The following PRSS12 variants were observed in gnomAD, a reference collection of about 807,000 sequenced individuals.
The protein encoded by PRSS12 is serine protease 12, also known as neurotrypsin.
In PRSS12, 85 loss-of-function variants were observed where a neutral mutation model predicts 104.4. The ratio of observed to expected loss-of-function variants is 0.81; its 90% CI spans 0.68 to 0.98. The LOEUF (loss-of-function observed/expected upper bound fraction) is 0.98, where lower values mean the gene tolerates loss of function less well. PRSS12 is among the 50% of genes least tolerant of loss of function. The probability of loss-of-function intolerance (pLI) is 0.00; values close to 1 mark genes in which losing one functional copy is unlikely to be tolerated. For synonymous variants in PRSS12, 454 were observed against 425.2 expected (o/e 1.07, Z -0.83); for missense variants, 1,141 against 1,139.2 (o/e 1.00, Z -0.02).
At chr4:118,309,323 G>A (rs1743644514) in intron 7 of PRSS12, among the ~76,000 whole-genome samples, 2 of 152,170 alleles carry the variant, frequency 1.3e-5, no homozygotes, top group Admixed American at 6.5e-5. Flanking sequence ...ACTGTGACTT[G>A]CATGGGTTGA....
At chr4:118,305,101 TTATA>T (rs35049135) in intron 8 of PRSS12, among the ~76,000 whole-genome samples, 15 of 146,830 alleles carry the variant, frequency 1.0e-4, no homozygotes, top group African/African-American at 1.7e-4. Context: ...TGTTTATAAT[TTATA>T]TATATATATA....
chr4:118,297,879 T>TAA (rs1364184335), intron 9 of PRSS12, among the ~76,000 whole-genome samples: 1 of 152,162 alleles, frequency 6.6e-6, no homozygotes, highest in Non-Finnish European at 1.5e-5. Flanking sequence ...GGCTCACGCC[T>TAA]GTAGTCCCAG....
intron 1 of PRSS12, among the ~76,000 whole-genome samples, chr4:118,346,487 T>A (rs866233377): frequency 2.7e-5 from 4 of 150,728 alleles, no homozygotes; most frequent in East Asian, 3.9e-4. Flanking sequence ...ATATTTACAA[T>A]AATTATTTTA....
intron 4 of PRSS12, among the ~76,000 whole-genome samples, chr4:118,321,182 ATTTG>A (rs1327637405): frequency 1.3e-5 from 2 of 152,180 alleles, no homozygotes; most frequent in Non-Finnish European, 2.9e-5. Context: ...TTGTGAGTGA[ATTTG>A]TTTGTTTTGC....
intron 4 of PRSS12, among the ~76,000 whole-genome samples, chr4:118,328,880 G>A (rs1560781002): frequency 1.3e-5 from 2 of 152,062 alleles, no homozygotes; most frequent in Non-Finnish European, 2.9e-5. Flanking sequence ...TGCAACCTCT[G>A]CCTCCTGGGT....
chr4:118,305,756 T>C (rs968916892), intron 8 of PRSS12, among the ~76,000 whole-genome samples: 1 of 152,158 alleles, frequency 6.6e-6, no homozygotes, highest in Non-Finnish European at 1.5e-5. Context: ...CTCTAGAACT[T>C]ATTCATCTTG....
intron 4 of PRSS12, among the ~76,000 whole-genome samples, chr4:118,331,234 G>A (rs1242010995): frequency 6.6e-6 from 1 of 152,108 alleles, no homozygotes; most frequent in Non-Finnish European, 1.5e-5. Context: ...TCATGACATA[G>A]GCTTCCTTTC....
chr4:118,328,885 C>T (rs1199601830), intron 4 of PRSS12, among the ~76,000 whole-genome samples: 4 of 152,120 alleles, frequency 2.6e-5, no homozygotes, highest in Non-Finnish European at 4.4e-5. Context: ...CCTCTGCCTC[C>T]TGGGTTCAAG....
Position 118,325,704 on chromosome 4 carries a change from G to A in PRSS12, c.971+6012C>T, listed in dbSNP as rs1368399119. On this transcript the variant is annotated intron_variant, in intron 4 of 12. Transcript: ENST00000296498. ...CAACAAAAACTCGTGAACTGTTCAA[G>A]TAAATGTGAATTTGATAAAGCTGTG... Among the ~76,000 whole-genome samples, 3 of 152,060 alleles carry A rather than the reference G, an allele frequency of 2.0e-5. 1 individual carries two copies. Among genetic ancestry groups the A allele is most frequent in the Non-Finnish European group, 4.4e-5 (3 of 67,962 alleles).
At chr4:118,342,164 C>A (rs556061810) in intron 1 of PRSS12, among the ~76,000 whole-genome samples, 2 of 152,220 alleles carry the variant, frequency 1.3e-5, no homozygotes, top group African/African-American at 4.8e-5. Flanking sequence ...TGTATAGGTA[C>A]ACAATTACAC....
intron 4 of PRSS12, among the ~76,000 whole-genome samples, chr4:118,319,931 C>T (rs1316273952): frequency 6.6e-6 from 1 of 152,182 alleles, no homozygotes; most frequent in Admixed American, 6.5e-5. Context: ...CCACCTCAAC[C>T]TCCCAAAAGT....
At position 118,338,314 on chromosome 4, in the gene PRSS12, C is replaced by G. The variant is rs767859182; in HGVS notation, c.503G>C (p.Gly168Ala). 3.1e-6 allele frequency: 5 copies of G among 1,613,816 alleles called. No homozygotes were observed. The South Asian group carries it at 4.4e-5, about 14-fold the overall frequency. ...TTTGCCGCCACGAAGTCGTACTGAT[C>G]CTAAAGTGGAAAAGAATCCCAAAAC... Reference protein sequence around the residue: ...VDWGYCDCRHGSVRLRGGKNE... With the variant: ...VDWGYCDCRHASVRLRGGKNE... Residue 168 changes from glycine to alanine, a missense_variant and splice_region_variant, in exon 2 of 13, where the codon GGA becomes GCA. By Grantham distance (60) the Gly-to-Ala change is moderately conservative. Coordinates refer to ENST00000296498, the MANE Select transcript of PRSS12 (RefSeq NM_003619.4).
intron 7 of PRSS12, 94 bp downstream of exon 7, chr4:118,313,107 C>A: frequency 6.8e-7 from 1 of 1,477,114 alleles, no homozygotes; most frequent in Non-Finnish European, 9.2e-7. Context: ...CCAAAAAAAG[C>A]CAAAGATGAG....
chr4:118,329,725 T>C (rs1723869839), intron 4 of PRSS12, among the ~76,000 whole-genome samples: 1 of 152,210 alleles, frequency 6.6e-6, no homozygotes, highest in Non-Finnish European at 1.5e-5. Context: ...TTACTATGTG[T>C]GCTAACTGCT....
At chr4:118,293,972 G>A (rs569018446) in intron 11 of PRSS12, among the ~76,000 whole-genome samples, 35 of 152,262 alleles carry the variant, frequency 2.3e-4, no homozygotes, top group African/African-American at 7.0e-4. Context: ...AGCAACAGGC[G>A]AATAAATAAA....
chr4:118,316,401 A>C (rs1457018528), intron 5 of PRSS12, 78 bp from the exon 6 acceptor site: 38 of 1,570,554 alleles, frequency 2.4e-5, no homozygotes, highest in Non-Finnish European at 3.3e-5. Flanking sequence ...ATTTCACAAG[A>C]AATATCACCA....
chr4:118,282,166 C>T lies in PRSS12; in HGVS notation c.2398G>A (p.Gly800Ser), dbSNP rs770132724. 6.2e-7 allele frequency: 1 copy of T among 1,614,038 alleles called. No individual in the cohort carries two copies. The highest frequency in any genetic ancestry group is 8.5e-7 in the Non-Finnish European group (1 of 1,180,038). The change falls in exon 13 of 13, where the codon GGT becomes AGT. Residue 800 changes from glycine to serine, a missense_variant. By Grantham distance (56) the Gly-to-Ser change is moderately conservative (BLOSUM62 0). Coordinates refer to ENST00000296498, the MANE Select transcript of PRSS12 (RefSeq NM_003619.4). ...PKRFCEERYK[G>S]RFTGRMLCAG... ...CAAAGCATTCTCCCTGTAAACCGAC[C>T]CTTATAACGTTCTTCACAAAACCTT...
chr4:118,320,383 T>C (rs540799327), intron 4 of PRSS12, among the ~76,000 whole-genome samples: 1 of 152,298 alleles, frequency 6.6e-6, no homozygotes, highest in Non-Finnish European at 1.5e-5. Flanking sequence ...CTATTTCTAC[T>C]AGATAACATG....
chr4:118,331,969 T>C, intron 3 of PRSS12, 103 bp from the exon 4 acceptor site: 1 of 1,429,814 alleles, frequency 7.0e-7, no homozygotes, highest in South Asian at 1.2e-5. Context: ...AATTAAATAA[T>C]ATTTATAAAG....
Sources: allele counts gnomAD v4.1 joint callset (sites outside exome capture counted in the v4.1 genomes callset), GRCh38; gene constraint gnomAD v4.1.1; transcripts MANE v1.5; gene names NCBI Gene and HGNC (gene_info 2026-07-23, HGNC 2026-07-21).